WDR70: variants seen among roughly 807,000 people sequenced by gnomAD.
WDR70 encodes WD repeat-containing protein 70.
Under a neutral mutation model 88.6 loss-of-function variants are expected in WDR70, and 53 were observed. The observed-to-expected ratio is 0.60, with a 90% CI of 0.48 to 0.75. The LOEUF is 0.75. WDR70 is among the 30% of genes least tolerant of loss of function. The probability of loss-of-function intolerance (pLI) is 0.00; values close to 1 mark genes in which losing one functional copy is unlikely to be tolerated. For synonymous variants in WDR70, 280 were observed against 270.0 expected (o/e 1.04, Z -0.36); for missense variants, 610 against 823.2 (o/e 0.74, Z 3.17).
At chr5:37,463,591 T>C (rs1295431643) in intron 7 of WDR70, among the ~76,000 whole-genome samples, 3 of 152,212 alleles carry the variant, frequency 2.0e-5, no homozygotes, top group African/African-American at 7.2e-5. Context: ...ACAGAAACAA[T>C]TGTGCAATGT....
chr5:37,705,934 C>G (rs1747309793), intron 13 of WDR70, among the ~76,000 whole-genome samples: 1 of 152,194 alleles, frequency 6.6e-6, no homozygotes, highest in Non-Finnish European at 1.5e-5. Flanking sequence ...ACGCCCTCTT[C>G]TAAAACAGAA....
At chr5:37,712,243 G>A (rs962846604) in intron 13 of WDR70, among the ~76,000 whole-genome samples, 2 of 151,960 alleles carry the variant, frequency 1.3e-5, no homozygotes, top group East Asian at 1.9e-4. Flanking sequence ...CACCCGCCTC[G>A]GCCTCCCAAA....
At chr5:37,499,491 A>AT (rs1391708619) in intron 8 of WDR70, among the ~76,000 whole-genome samples, 8 of 150,546 alleles carry the variant, frequency 5.3e-5, no homozygotes, top group Non-Finnish European at 1.2e-4. Flanking sequence ...GGGAAGAGAG[A>AT]AGTGTTCATT....
intron 8 of WDR70, among the ~76,000 whole-genome samples, chr5:37,483,862 C>G (rs1290018373): frequency 1.3e-5 from 2 of 152,034 alleles, no homozygotes; most frequent in Non-Finnish European, 2.9e-5. Context: ...GGTGGAGGGG[C>G]TCCTCACTTC....
chr5:37,386,111 C>T (rs1581240463), intron 3 of WDR70, among the ~76,000 whole-genome samples: 1 of 151,948 alleles, frequency 6.6e-6, no homozygotes, highest in East Asian at 1.9e-4. Flanking sequence ...CTGCACCTGG[C>T]CAAATATATT....
At chr5:37,670,485 C>G (rs553969476) in intron 10 of WDR70, among the ~76,000 whole-genome samples, 1 of 152,154 alleles carries the variant, frequency 6.6e-6, no homozygotes, top group Middle Eastern at 3.2e-3. Flanking sequence ...ATAAAAAGAA[C>G]AGCAAAATTA....
chr5:37,462,661 AAC>A (rs1739043989), intron 7 of WDR70, among the ~76,000 whole-genome samples: 1 of 152,090 alleles, frequency 6.6e-6, no homozygotes, highest in Non-Finnish European at 1.5e-5. Flanking sequence ...ACATGTACTA[AAC>A]ATATACTAAC....
intron 10 of WDR70, among the ~76,000 whole-genome samples, chr5:37,671,342 A>C (rs1371228757): frequency 6.6e-6 from 1 of 152,170 alleles, no homozygotes; most frequent in Non-Finnish European, 1.5e-5. Context: ...AGACTTAATA[A>C]ACCTGTAGTA....
intron 6 of WDR70, 120 bp downstream of exon 6, chr5:37,438,101 A>G (rs1750534063): frequency 5.3e-6 from 4 of 750,340 alleles, no homozygotes; most frequent in South Asian, 3.1e-5. Flanking sequence ...CATAAAAGCT[A>G]TAGACATTAA....
intron 9 of WDR70, among the ~76,000 whole-genome samples, chr5:37,523,556 T>C (rs1014130534): frequency 2.0e-5 from 3 of 152,066 alleles, no homozygotes; most frequent in Non-Finnish European, 2.9e-5. Flanking sequence ...AGCTGAAAAT[T>C]CTAAAAATCA....
intron 10 of WDR70, among the ~76,000 whole-genome samples, chr5:37,616,103 C>T (rs1744332758): frequency 6.6e-6 from 1 of 152,088 alleles, no homozygotes; most frequent in South Asian, 2.1e-4. Context: ...GAGTATCTTC[C>T]ATAACTTTCT....
chr5:37,743,323 G>A (rs1160150717), intron 17 of WDR70, among the ~76,000 whole-genome samples: 1 of 152,232 alleles, frequency 6.6e-6, no homozygotes, highest in Non-Finnish European at 1.5e-5. Flanking sequence ...GCAGACCCAG[G>A]CCAGTGGGGC....
At chr5:37,399,013 T>G (rs1304303816) in intron 5 of WDR70, among the ~76,000 whole-genome samples, 1 of 152,006 alleles carries the variant, frequency 6.6e-6, no homozygotes, top group African/African-American at 2.4e-5. Context: ...GCGTAGTGGC[T>G]CACGCCTGTA....
chr5:37,525,220 T>C (rs1741227082), intron 9 of WDR70, among the ~76,000 whole-genome samples: 1 of 152,254 alleles, frequency 6.6e-6, no homozygotes. Context: ...AGTGACCACA[T>C]AGTTGGAAGT....
At chr5:37,384,874 G>C (rs923143429) in intron 3 of WDR70, among the ~76,000 whole-genome samples, 12 of 151,846 alleles carry the variant, frequency 7.9e-5, no homozygotes, top group African/African-American at 2.9e-4. Context: ...GTTTAATTCT[G>C]ACACCGTCTG....
chr5:37,414,781 A>C (rs112336682), intron 5 of WDR70, among the ~76,000 whole-genome samples: 2,009 of 149,104 alleles, frequency 0.013, 43 homozygotes, highest in African/African-American at 0.048. Context: ...AGTCACAATT[A>C]TTCTTTTTTT....
At chr5:37,526,245 AC>A (rs1241085338) in intron 9 of WDR70, among the ~76,000 whole-genome samples, 2 of 152,100 alleles carry the variant, frequency 1.3e-5, no homozygotes, top group African/African-American at 2.4e-5. Context: ...TAAAATACTG[AC>A]AAACCGAATC....
chr5:37,690,316 C>A (rs1015834290), intron 10 of WDR70, among the ~76,000 whole-genome samples: 2 of 152,174 alleles, frequency 1.3e-5, no homozygotes, highest in African/African-American at 4.8e-5. Context: ...CTTCCCCAAC[C>A]TAGCAAGGCA....
At chr5:37,701,431 G>A (rs1049619495) in intron 12 of WDR70, among the ~76,000 whole-genome samples, 3 of 152,096 alleles carry the variant, frequency 2.0e-5, no homozygotes, top group African/African-American at 7.2e-5. Flanking sequence ...AAGAGATTCA[G>A]TTGTTCTTTT....
Sources: gnomAD v4.1 joint callset for allele counts (sites outside exome capture counted in the v4.1 genomes callset) on GRCh38, gnomAD v4.1.1 for gene constraint, MANE v1.5 for transcripts, NCBI Gene and HGNC (gene_info 2026-07-23, HGNC 2026-07-21) for gene names.